Variants in PLD5 observed in about 807,000 individuals in gnomAD.
PLD5 encodes the protein phospholipase D family member 5, also known as inactive phospholipase D5.
A neutral mutation model predicts 61.1 loss-of-function variants in PLD5; 36 were observed. That is an observed-to-expected ratio of 0.59 (90% CI 0.45 to 0.78). The LOEUF (loss-of-function observed/expected upper bound fraction) is 0.78, where lower values mean the gene tolerates loss of function less well. PLD5 is among the 30% of genes least tolerant of loss of function. The pLI is 0.00. For missense variants in PLD5, 515 were observed against 644.4 expected (o/e 0.80, Z 2.17); for synonymous variants, 243 against 242.8 (o/e 1.00, Z -0.01).
intron 8 of PLD5, among the ~76,000 whole-genome samples, chr1:242,105,222 G>GTATT (rs1553299388): frequency 4.8e-5 from 7 of 146,580 alleles, no homozygotes; most frequent in Non-Finnish European, 1.0e-4. Flanking sequence ...CTGTGTGTTG[G>GTATT]TTTTTTTTTT....
chr1:242,467,937 A>G (rs982859949), intron 1 of PLD5, among the ~76,000 whole-genome samples: 1 of 151,790 alleles, frequency 6.6e-6, no homozygotes, highest in African/African-American at 2.4e-5. Flanking sequence ...CCAAAGCAAT[A>G]TCTCTATGTC....
chr1:242,231,566 A>G (rs952187340), intron 4 of PLD5, among the ~76,000 whole-genome samples: 3 of 152,360 alleles, frequency 2.0e-5, no homozygotes, highest in East Asian at 1.9e-4. Context: ...ATACATCAAC[A>G]GCTTAGAGGA....
At chr1:242,464,669 A>G (rs1422642951) in intron 1 of PLD5, among the ~76,000 whole-genome samples, 1 of 152,250 alleles carries the variant, frequency 6.6e-6, no homozygotes, top group Non-Finnish European at 1.5e-5. Context: ...TATATACCCC[A>G]AAGAACTGAA....
intron 1 of PLD5, among the ~76,000 whole-genome samples, chr1:242,350,739 A>G (rs1440548029): frequency 3.3e-5 from 5 of 152,034 alleles, no homozygotes; most frequent in Admixed American, 1.3e-4. Context: ...TTCAGGCCTC[A>G]TCTCCTATTG....
intron 2 of PLD5, among the ~76,000 whole-genome samples, chr1:242,331,273 C>A (rs1442223784): frequency 6.6e-6 from 1 of 152,160 alleles, no homozygotes; most frequent in Non-Finnish European, 1.5e-5. Context: ...GCATTACCAG[C>A]CTAACCAAAT....
intron 1 of PLD5, among the ~76,000 whole-genome samples, chr1:242,429,600 C>T (rs1558559472): frequency 6.6e-6 from 1 of 152,106 alleles, no homozygotes; most frequent in Non-Finnish European, 1.5e-5. Context: ...CCATAACAAC[C>T]CAGGAAATCT....
intron 1 of PLD5, among the ~76,000 whole-genome samples, chr1:242,416,273 A>G (rs1432251022): frequency 6.6e-6 from 1 of 152,184 alleles, no homozygotes; most frequent in Non-Finnish European, 1.5e-5. Flanking sequence ...ATACATTGAT[A>G]AATTTGGAAG....
At chr1:242,522,608 T>G (rs1319090805) in intron 1 of PLD5, among the ~76,000 whole-genome samples, 1 of 152,236 alleles carries the variant, frequency 6.6e-6, no homozygotes, top group Non-Finnish European at 1.5e-5. Context: ...CTCCCAAGGC[T>G]AGACTGTTAT....
chr1:242,248,902 C>T (rs542552444), intron 4 of PLD5, among the ~76,000 whole-genome samples: 1 of 152,234 alleles, frequency 6.6e-6, no homozygotes, highest in South Asian at 2.1e-4. Context: ...AATCCCAGTA[C>T]TTTAGGAGGC....
At chr1:242,159,319 C>T (rs1384206185) in intron 5 of PLD5, among the ~76,000 whole-genome samples, 1 of 152,010 alleles carries the variant, frequency 6.6e-6, no homozygotes, top group Non-Finnish European at 1.5e-5. Flanking sequence ...TTTCAAATAA[C>T]CCTAGTGTTG....
chr1:242,422,869 G>A (rs1366420857), intron 1 of PLD5, among the ~76,000 whole-genome samples: 4 of 125,078 alleles, frequency 3.2e-5, no homozygotes, highest in Admixed American at 2.7e-4. Context: ...TTTTTTTTGA[G>A]ATAAGGTCTC....
At chr1:242,132,201 G>T (rs6703354) in intron 5 of PLD5, among the ~76,000 whole-genome samples, 14,464 of 85,982 alleles carry the variant, frequency 0.17, 4,249 homozygotes, top group East Asian at 0.39. Flanking sequence ...GCGGGGGGGG[G>T]GGGGGGCGGA....
chr1:242,416,371 A>G (rs145077417), intron 1 of PLD5, among the ~76,000 whole-genome samples: 19 of 152,268 alleles, frequency 1.2e-4, no homozygotes, highest in African/African-American at 4.6e-4. Context: ...AAAAAAGAAA[A>G]GGAAAGGATT....
intron 3 of PLD5, among the ~76,000 whole-genome samples, chr1:242,266,416 T>A (rs1260134545): frequency 6.6e-6 from 1 of 151,924 alleles, no homozygotes; most frequent in Non-Finnish European, 1.5e-5. Context: ...TCTATGGGAG[T>A]TTCAAAAGCA....
chr1:242,234,282 G>T (rs1438964404), intron 4 of PLD5, among the ~76,000 whole-genome samples: 1 of 152,092 alleles, frequency 6.6e-6, no homozygotes, highest in Non-Finnish European at 1.5e-5. Flanking sequence ...AGCCAACCGT[G>T]CATTGAATGC....
chr1:242,235,800 ATG>A (rs1286803923), intron 4 of PLD5: 3 of 152,160 alleles, frequency 2.0e-5, no homozygotes, highest in African/African-American at 7.2e-5. Flanking sequence ...ACAGAGAGGC[ATG>A]TTGTTAACAG....
At chr1:242,393,520 ATG>A (rs1663091128) in intron 1 of PLD5, among the ~76,000 whole-genome samples, 1 of 73,112 alleles carries the variant, frequency 1.4e-5, no homozygotes, top group African/African-American at 6.9e-5. Flanking sequence ...GTATATATAT[ATG>A]TGTATATATG....
chr1:242,190,124 T>C (rs1314792254), intron 5 of PLD5, among the ~76,000 whole-genome samples: 3 of 145,942 alleles, frequency 2.1e-5, no homozygotes, highest in Non-Finnish European at 4.5e-5. Flanking sequence ...ATCTGTATTT[T>C]CCTGACAGGA....
At chr1:242,519,115 T>C (rs1558165267) in intron 1 of PLD5, among the ~76,000 whole-genome samples, 1 of 152,268 alleles carries the variant, frequency 6.6e-6, no homozygotes, top group African/African-American at 2.4e-5. Context: ...GTTGGATTTT[T>C]AAGGGAACAT....
Sources: gnomAD v4.1 joint callset for allele counts (sites outside exome capture counted in the v4.1 genomes callset) on GRCh38, gnomAD v4.1.1 for gene constraint, MANE v1.5 for transcripts, NCBI Gene and HGNC (gene_info 2026-07-23, HGNC 2026-07-21) for gene names.